Variants in TEDC2 observed in about 807,000 individuals in gnomAD.
The protein encoded by TEDC2 is tubulin epsilon and delta complex protein 2.
A neutral mutation model predicts 48.1 loss-of-function variants in TEDC2; 49 were observed. The ratio of observed to expected loss-of-function variants is 1.02; its 90% confidence interval spans 0.81 to 1.29. TEDC2 has a LOEUF of 1.29. Among genes scored for constraint, TEDC2 ranks in the 50% most tolerant of loss-of-function variants. The pLI is 0.00. For synonymous variants in TEDC2, 299 were observed against 247.1 expected, an observed-to-expected ratio of 1.21 and a Z score of -1.97; for missense variants, 631 against 571.4, an observed-to-expected ratio of 1.10 and a Z score of -1.06.
rs929852441 is a variant in TEDC2, at chr16:2,460,952, T to C, written c.333T>C (p.Ile111=). The C allele has an allele frequency of 1.9e-6, 3 of 1,613,346 alleles. No homozygotes were observed. The highest frequency in any genetic ancestry group is 1.3e-5 in the African/African-American group (1 of 74,902). The change falls in exon 4 of 10, where the codon ATT becomes ATC. Residue 111 remains isoleucine (I), a synonymous_variant. Transcript: ENST00000361837. ...CCCCCAGCCTGAAATCTAGGTCCAT[T>C]GTCACCTCTTCTGGCACGACAGCCT... ...DKAPSLKSRS[I]VTSSGTTASA...
Position 2,461,488 on chromosome 16 carries a change from C to T in TEDC2, c.606-259C>T, listed in dbSNP as rs534148863. On this transcript the variant is annotated intron_variant, in intron 4 of 9. Coordinates refer to ENST00000361837, the MANE Select transcript of TEDC2 (RefSeq NM_025108.3). ...CCTTATTTGCCCAGGCCAGAGGCTC[C>T]AGATGGGCTCTGGAGGGCGTGGGAT... is the stretch of plus-strand genomic sequence containing the variant. 1.7e-3 allele frequency: 1,105 copies of T among 640,854 alleles called. 12 individuals are homozygous for T. The South Asian group carries it at 0.017, about 10-fold the overall frequency. 39.7% of individuals were successfully genotyped at this position (640,854 alleles called of 1,614,324 possible). A position where few individuals can be genotyped will look rare whatever the true frequency, so the allele number is the denominator to read the frequency against.
chr16:2,460,444 GC>G, intron 2 of TEDC2, 63 bp downstream of exon 2: 1 of 1,530,186 alleles, frequency 6.5e-7, no homozygotes, highest in Non-Finnish European at 8.8e-7. Flanking sequence ...CGCCCCGAGC[GC>G]CCAGGGCTGG....
chr16:2,464,079 GC>G lies in TEDC2; in HGVS notation c.1011del (p.Gly338GlufsTer50), dbSNP rs754384928. The G allele has an allele frequency of 3.8e-4, 617 of 1,612,776 alleles. No homozygotes were observed. The highest frequency in any genetic ancestry group is 5.0e-4 in the Non-Finnish European group (592 of 1,179,958). On this transcript the variant is annotated frameshift_variant, in exon 9 of 10. Transcript: ENST00000361837. LOFTEE classifies it high-confidence loss of function. ...CACCAAGACCATGTCCTGTGGGGAG[GC>G]CCCCCGGAGCCTCGCCGTCCTGTGG... ...QPPRPCPVGR[P>X]PGASPSCGGR...
rs758675218 is a variant in TEDC2 at position 2,464,649 on chromosome 16, G to A, written c.1283G>A (p.Arg428Gln). 32 of 1,612,892 alleles carry A rather than the reference G, an allele frequency of 2.0e-5. No individual in the cohort carries two copies. Among genetic ancestry groups the A allele is most frequent in the East Asian group, 6.7e-5 (3 of 44,886 alleles). Residue 428 changes from arginine (R) to glutamine (Q), a missense_variant, in exon 10 of 10, where the codon CGG becomes CAG. Transcript: ENST00000361837. ...GGAGCACGTGTCCTTACCATCCTGCGGGATGAACCTGCAGTCTGAGCCTTT... is the reference window on the plus strand; with the variant it reads ...GGAGCACGTGTCCTTACCATCCTGCAGGATGAACCTGCAGTCTGAGCCTTT... ...EGGARVLTIL[R>Q]DEPAV
Position 2,462,489 on chromosome 16 carries a change from G to GCTGCTGAGA in TEDC2, c.830_838dup (p.Leu277_Leu279dup), listed in dbSNP as rs773209525. 6.2e-7 allele frequency: 1 copy of GCTGCTGAGA among 1,608,948 alleles called. No individual in the cohort carries two copies. The highest frequency in any genetic ancestry group is 1.7e-5 in the Admixed American group (1 of 59,508). On this transcript the variant is annotated inframe_insertion, in exon 7 of 10. Transcript: ENST00000361837. ...CGGGGCGCCTGCGGAAGGCCTGCTC[G>GCTGCTGAGA]CTGCTGAGACTGCGCATGAGGGAGG... is the stretch of plus-strand genomic sequence containing the variant.
At position 2,461,817 on chromosome 16, in the gene TEDC2, T is replaced by C. The variant is rs2065468704; in HGVS notation, c.659+17T>C. The C allele has an allele frequency of 6.2e-7, 1 of 1,613,448 alleles. No homozygotes were observed. The highest frequency in any genetic ancestry group is 1.1e-5 in the South Asian group (1 of 91,082). ...GAACTCGAGGTGAGGCTGAGGTCTT[T>C]GGCTGGACGGGGGTAGGGGAGAACC... On this transcript the variant is annotated intron_variant, in intron 5 of 9. Transcript: ENST00000361837.
chr16:2,460,948 C>T lies in TEDC2; in HGVS notation c.329C>T (p.Ser110Phe). Residue 110 changes from serine (S) to phenylalanine (F), a missense_variant, in exon 4 of 10, where the codon TCC becomes TTC. Transcript: ENST00000361837. The part of the protein sequence containing the change: ...RDKAPSLKSR[S>F]IVTSSGTTAS... ...AAGGCCCCCAGCCTGAAATCTAGGT[C>T]CATTGTCACCTCTTCTGGCACGACA... is the stretch of plus-strand genomic sequence containing the variant. 6.2e-7 allele frequency: 1 copy of T among 1,613,530 alleles called. No individual in the cohort carries two copies. Among genetic ancestry groups the T allele is most frequent in the Non-Finnish European group, 8.5e-7 (1 of 1,180,010 alleles).
rs11552287 is a variant in TEDC2, at chr16:2,462,503, G to A, written c.839G>A (p.Arg280His). The change falls in exon 7 of 10, where the codon CGC becomes CAC. Residue 280 changes from arginine (R) to histidine (H), a missense_variant. By Grantham distance (29) the Arg-to-His change is conservative. Transcript: ENST00000361837. Reference sequence around the variant, plus strand: ...AAGGCCTGCTCGCTGCTGAGACTGCGCATGAGGGAGGAGCTCTCGGCAGGT... The same window carrying A: ...AAGGCCTGCTCGCTGCTGAGACTGCACATGAGGGAGGAGCTCTCGGCAGGT... ...LRKACSLLRL[R>H]MREELSAAPM... 3,752 of 1,606,070 alleles carry A rather than the reference G, an allele frequency of 2.3e-3. 10 individuals carry two copies. The highest frequency in any genetic ancestry group is 5.7e-3 in the Middle Eastern group (34 of 5,948).
At chr16:2,462,075 C>G in intron 5 of TEDC2, 74 bp from the exon 6 acceptor site, 2 of 1,532,318 alleles carry the variant, frequency 1.3e-6, no homozygotes, top group Non-Finnish European at 1.8e-6. Flanking sequence ...GCCTACCTCC[C>G]AAGGCCCAGC....
In TEDC2 at chr16:2,460,642, G is replaced by A. The variant is rs531628105; in HGVS notation, c.145G>A (p.Ala49Thr). Residue 49 changes from alanine to threonine, a missense_variant, in exon 3 of 10, where the codon GCT becomes ACT. By Grantham distance (58) the Ala-to-Thr change is moderately conservative. Transcript: ENST00000361837. ...TTGCAGGGAACCAACTGGGACCCGG[G>A]CTTTGAAGCCACCTCCAGGGCCAGA... Reference protein sequence around the residue: ...LHAWEPTGTRALKPPPGPETN... With the variant: ...LHAWEPTGTRTLKPPPGPETN... 1.2e-6 allele frequency: 2 copies of A among 1,613,048 alleles called. No individual in the cohort carries two copies. Among genetic ancestry groups the A allele is most frequent in the African/African-American group, 1.3e-5 (1 of 75,058 alleles).
At chr16:2,463,275 TGCGCCAC>T (rs2065478983) in intron 8 of TEDC2, among the ~76,000 whole-genome samples, 1 of 151,098 alleles carries the variant, frequency 6.6e-6, no homozygotes, top group African/African-American at 2.4e-5. Context: ...GAGCTGAGAT[TGCGCCAC>T]TGCATTCCAG....
At chr16:2,463,043 C>T (rs572397836) in intron 8 of TEDC2, among the ~76,000 whole-genome samples, 248 of 152,346 alleles carry the variant, frequency 1.6e-3, no homozygotes, top group Non-Finnish European at 2.8e-3. Context: ...ATGTGAGGGC[C>T]GGGCGCGGTG....
rs2065491274 is a variant in TEDC2 at position 2,464,938 on chromosome 16, T to G, written c.*270T>G. The G allele has an allele frequency of 2.0e-6, 1 of 499,170 alleles. No homozygotes were observed. The highest frequency in any genetic ancestry group is 3.6e-6 in the Non-Finnish European group (1 of 280,522). The allele number at this position is 499,170 out of a possible 1,614,324, so 30.9% of individuals were successfully genotyped here. Reference sequence around the variant, plus strand: ...ACTGTAGACCAAAGAGCCGCTTGTGTGATATTAAAGCCACTTTAGAAAGCA... The same window carrying G: ...ACTGTAGACCAAAGAGCCGCTTGTGGGATATTAAAGCCACTTTAGAAAGCA... On this transcript the variant is annotated 3_prime_UTR_variant, in exon 10 of 10. Coordinates refer to ENST00000361837, the MANE Select transcript of TEDC2 (RefSeq NM_025108.3).
At position 2,464,443 on chromosome 16, in the gene TEDC2, G is replaced by A; in HGVS notation, c.1156-79G>A. 4 of 1,437,864 alleles carry A rather than the reference G, an allele frequency of 2.8e-6. No individual in the cohort carries two copies. In the South Asian group the frequency reaches 4.1e-5, roughly 15 times the overall value. 89.1% of individuals were successfully genotyped at this position (1,437,864 alleles called of 1,614,324 possible). ...AAGGAGGGAGGAGGGCTGAAGCATGGGGGCCTCGAAGCCTGTCCCAGGATT... is the reference window on the plus strand; with the variant it reads ...AAGGAGGGAGGAGGGCTGAAGCATGAGGGCCTCGAAGCCTGTCCCAGGATT... On this transcript the variant is annotated intron_variant, in intron 9 of 9. Coordinates refer to ENST00000361837, the MANE Select transcript of TEDC2 (RefSeq NM_025108.3).
At chr16:2,461,880 TTTCCAGTGGGTCTC>T in intron 5 of TEDC2, 80 bp downstream of exon 5, 2 of 1,528,614 alleles carry the variant, frequency 1.3e-6, no homozygotes, top group Non-Finnish European at 1.8e-6. Flanking sequence ...TTCGAGATAC[TTTCCAGTGGGTCTC>T]TTTGTCCTCT....
chr16:2,464,728 C>A lies in TEDC2; in HGVS notation c.*60C>A, dbSNP rs1205116755. 1.3e-6 allele frequency: 2 copies of A among 1,599,778 alleles called. No homozygotes were observed. Among genetic ancestry groups the A allele is most frequent in the Admixed American group, 3.4e-5 (2 of 58,822 alleles). ...GGGATTGGGGGTGTCTTCCCTGGCA[C>A]TGTGCTCGGGGACCCAGAGATGCCT... On this transcript the variant is annotated 3_prime_UTR_variant, in exon 10 of 10. Coordinates refer to ENST00000361837, the MANE Select transcript of TEDC2 (RefSeq NM_025108.3).
At position 2,464,545 on chromosome 16, in the gene TEDC2, C is replaced by G. The variant is rs746242798; in HGVS notation, c.1179C>G (p.Pro393=). 12 of 1,585,118 alleles carry G rather than the reference C, an allele frequency of 7.6e-6. 1 individual carries two copies. The Admixed American group carries it at 1.9e-4, about 25-fold the overall frequency. Reference sequence around the variant, plus strand: ...AGGTCCTGATGGCTGAACTCCTCCCCCTGGTAAGCGCTGCACAGCCGCAGG... The same window carrying G: ...AGGTCCTGATGGCTGAACTCCTCCCGCTGGTAAGCGCTGCACAGCCGCAGG... ...LEKVLMAELL[P]LVSAAQPQGP... The change falls in exon 10 of 10, where the codon CCC becomes CCG. Residue 393 remains proline (P), a synonymous_variant. Coordinates refer to ENST00000361837, the MANE Select transcript of TEDC2 (RefSeq NM_025108.3).
Position 2,464,782 on chromosome 16 carries a change from G to A in TEDC2, c.*114G>A. The A allele has an allele frequency of 1.4e-6, 2 of 1,418,822 alleles. No homozygotes were observed. The highest frequency in any genetic ancestry group is 1.9e-6 in the Non-Finnish European group (2 of 1,042,808). 87.9% of individuals were successfully genotyped at this position (1,418,822 alleles called of 1,614,324 possible). ...CTTCCCTGGGAAACCTGGTGAACTGGACCAGGTGGCCTCACTGGCTCTTCT... is the reference window on the plus strand; with the variant it reads ...CTTCCCTGGGAAACCTGGTGAACTGAACCAGGTGGCCTCACTGGCTCTTCT... On this transcript the variant is annotated 3_prime_UTR_variant, in exon 10 of 10. Coordinates refer to ENST00000361837, the MANE Select transcript of TEDC2 (RefSeq NM_025108.3).
chr16:2,460,460 C>T, intron 2 of TEDC2, 79 bp downstream of exon 2: 2 of 1,508,126 alleles, frequency 1.3e-6, no homozygotes, highest in Non-Finnish European at 8.9e-7. Flanking sequence ...GGCTGGGAGA[C>T]CGGGCGCAGC....
Sources: allele counts gnomAD v4.1 joint callset (sites outside exome capture counted in the v4.1 genomes callset), GRCh38; gene constraint gnomAD v4.1.1; transcripts MANE v1.5; gene names NCBI Gene and HGNC (gene_info 2026-07-23, HGNC 2026-07-21).